The following FBXL20 variants were observed in gnomAD, a reference collection of about 807,000 sequenced individuals.
FBXL20 encodes the protein F-box and leucine rich repeat protein 20.
FBXL20 carries 11 observed loss-of-function variants against 64.0 expected under a neutral mutation model. The ratio of observed to expected loss-of-function variants is 0.17; its 90% CI spans 0.11 to 0.28. The LOEUF is 0.28. FBXL20 is among the 10% of genes least tolerant of loss of function. The pLI is 1.00. For missense variants in FBXL20, 303 were observed against 526.2 expected (o/e 0.58, Z 4.15); for synonymous variants, 184 against 189.0 (o/e 0.97, Z 0.22).
intron 2 of FBXL20, among the ~76,000 whole-genome samples, chr17:39,319,738 G>GAAAAA (rs531960977): frequency 1.8e-5 from 2 of 113,580 alleles, no homozygotes; most frequent in Non-Finnish European, 3.7e-5. Context: ...GTGAAGGCCA[G>GAAAAA]AAAAAAAAAA....
At chr17:39,399,567 G>A (rs2048220552) in intron 1 of FBXL20, among the ~76,000 whole-genome samples, 1 of 152,062 alleles carries the variant, frequency 6.6e-6, no homozygotes, top group Admixed American at 6.6e-5. Flanking sequence ...ATAGCTTTTA[G>A]TTTATAAACA....
At chr17:39,336,820 T>A (rs1409057307) in intron 2 of FBXL20, among the ~76,000 whole-genome samples, 1 of 146,984 alleles carries the variant, frequency 6.8e-6, no homozygotes, top group African/African-American at 2.5e-5. Context: ...TGAGACACCA[T>A]CTCAAAAAAA....
At chr17:39,328,083 A>G in intron 2 of FBXL20, among the ~76,000 whole-genome samples, 1 of 151,672 alleles carries the variant, frequency 6.6e-6, no homozygotes, top group Non-Finnish European at 1.5e-5. Flanking sequence ...CCCCATCTCT[A>G]CTAAAAATAC....
chr17:39,285,667 AT>A, intron 6 of FBXL20, 94 bp from the exon 7 acceptor site: 5 of 644,114 alleles, frequency 7.8e-6, no homozygotes, highest in South Asian at 3.6e-5. Flanking sequence ...ACATGTGTAT[AT>A]ATAAGAACTG....
chr17:39,395,310 G>C (rs896403286), intron 1 of FBXL20, among the ~76,000 whole-genome samples: 4 of 152,170 alleles, frequency 2.6e-5, no homozygotes, highest in African/African-American at 9.7e-5. Flanking sequence ...TGTAATCCCA[G>C]CTACTCGGGA....
intron 1 of FBXL20, among the ~76,000 whole-genome samples, chr17:39,343,695 CTTTTTTT>C (rs66827882): frequency 1.5e-5 from 2 of 134,604 alleles, no homozygotes; most frequent in Non-Finnish European, 3.2e-5. Context: ...GGCGAAAACT[CTTTTTTT>C]TTTTTTTTTT....
chr17:39,325,067 G>C (rs898252372), intron 2 of FBXL20, among the ~76,000 whole-genome samples: 3 of 152,154 alleles, frequency 2.0e-5, no homozygotes, highest in Admixed American at 1.3e-4. Context: ...AATTAGCCGG[G>C]CGTGGTGGCA....
intron 2 of FBXL20, 34 bp downstream of exon 2, chr17:39,343,146 T>C (rs2047598902): frequency 3.9e-6 from 6 of 1,529,112 alleles, no homozygotes; most frequent in African/African-American, 1.5e-5. Flanking sequence ...GACATACACA[T>C]AAAAAAACCC....
chr17:39,401,736 G>C, upstream of FBXL20: 1 of 1,099,440 alleles, frequency 9.1e-7, no homozygotes, highest in South Asian at 3.6e-5. Context: ...GGGAGGGGCG[G>C]GAGGGGAGGA....
chr17:39,264,431 G>A (rs780571368), intron 13 of FBXL20, 44 bp from the exon 14 acceptor site: 2 of 1,596,044 alleles, frequency 1.3e-6, no homozygotes, highest in African/African-American at 1.3e-5. Flanking sequence ...ATATCTTCTG[G>A]CATTCCTCTA....
chr17:39,288,638 A>C (rs2047010047), intron 6 of FBXL20, among the ~76,000 whole-genome samples: 1 of 150,950 alleles, frequency 6.6e-6, no homozygotes, highest in Admixed American at 6.6e-5. Context: ...TATTTTTTTA[A>C]TTTTTTCCCC....
At chr17:39,396,432 C>T (rs536470682) in intron 1 of FBXL20, among the ~76,000 whole-genome samples, 1 of 151,636 alleles carries the variant, frequency 6.6e-6, no homozygotes. Context: ...CCCATCTCTA[C>T]TAAAAATACA....
intron 10 of FBXL20, among the ~76,000 whole-genome samples, 196 bp downstream of exon 10, chr17:39,274,774 T>A (rs765697232): frequency 1.3e-5 from 2 of 152,228 alleles, no homozygotes; most frequent in East Asian, 3.8e-4. Context: ...TGGGGATTGT[T>A]ACCCCTTGGT....
rs144441374 is a variant in FBXL20 at position 39,365,358 on chromosome 17, C to A, written c.43-22117G>T. 1.2e-4 allele frequency among the ~76,000 whole-genome samples: 18 copies of A among 152,330 alleles called. No homozygotes were observed. In the East Asian group the frequency reaches 3.5e-3, roughly 29 times the overall value. On this transcript the variant is annotated intron_variant, in intron 1 of 14. Coordinates refer to ENST00000264658, the MANE Select transcript of FBXL20 (RefSeq NM_032875.3). The stretch of plus-strand genomic sequence containing the variant: ...GTAAGTTTATAATTCCTCCGCCCAA[C>A]ATCTTGTCCCTAGCAGAAATAAAAT...
chr17:39,351,849 T>G lies in FBXL20; in HGVS notation c.43-8608A>C, dbSNP rs563692750. On this transcript the variant is annotated intron_variant, in intron 1 of 14. Transcript: ENST00000264658. ...AGCCATGACTTCTAGGGGTAGAATG[T>G]TCTTAAATATATTGGTTTTTAAAAA... Among the ~76,000 whole-genome samples, 3 of 152,326 alleles carry G rather than the reference T, an allele frequency of 2.0e-5. No homozygotes were observed. In the East Asian group the frequency reaches 5.8e-4, roughly 29 times the overall value.
chr17:39,289,452 T>C (rs961732084), intron 6 of FBXL20, among the ~76,000 whole-genome samples: 3 of 147,962 alleles, frequency 2.0e-5, no homozygotes, highest in Non-Finnish European at 4.5e-5. Flanking sequence ...GAGCCCAGAG[T>C]TTGAGACCAC....
intron 1 of FBXL20, among the ~76,000 whole-genome samples, chr17:39,350,629 C>T (rs1187427021): frequency 6.6e-6 from 1 of 151,942 alleles, no homozygotes; most frequent in East Asian, 1.9e-4. Context: ...AGAAACAGCA[C>T]CCTGGAACCA....
At chr17:39,270,456 A>C (rs1485459492) in intron 11 of FBXL20, among the ~76,000 whole-genome samples, 1 of 152,112 alleles carries the variant, frequency 6.6e-6, no homozygotes, top group Non-Finnish European at 1.5e-5. Flanking sequence ...AGGCAGGAGA[A>C]ATGCTTGAAC....
intron 14 of FBXL20, chr17:39,263,928 TAGAC>T: frequency 2.3e-6 from 1 of 443,898 alleles, no homozygotes; most frequent in East Asian, 3.6e-5. Context: ...TAGACATTAT[TAGAC>T]AGACTCTGCT....
Sources: allele counts gnomAD v4.1 joint callset (sites outside exome capture counted in the v4.1 genomes callset), GRCh38; gene constraint gnomAD v4.1.1; transcripts MANE v1.5; gene names NCBI Gene and HGNC (gene_info 2026-07-23, HGNC 2026-07-21).